The following DLGAP2 variants were observed in gnomAD, a reference collection of about 807,000 sequenced individuals.
DLGAP2 encodes DLG associated protein 2.
In DLGAP2, 26 loss-of-function variants were observed where a neutral mutation model predicts 100.3. The ratio of observed to expected loss-of-function variants is 0.26; its 90% CI spans 0.19 to 0.36. The LOEUF (loss-of-function observed/expected upper bound fraction) is 0.36, where lower values mean the gene tolerates loss of function less well. Among genes scored for constraint, DLGAP2 ranks in the 10% least tolerant of loss-of-function variants. The pLI is 1.00. For synonymous variants in DLGAP2, 886 were observed against 630.1 expected (o/e 1.41, Z -6.08); for missense variants, 1,858 against 1,453.2 (o/e 1.28, Z -4.53).
rs139520768 is a variant in DLGAP2 at position 912,986 on chromosome 8, C to T, written c.73+5020C>T. Among the ~76,000 whole-genome samples the T allele has an allele frequency of 7.8e-3, 1,181 of 152,260 alleles. 13 individuals are homozygous for T. The highest frequency in any genetic ancestry group is 0.025 in the African/African-American group (1,057 of 41,534). ...TTGCTGTGTGCTTTCTGCAGGGTGG[C>T]GAGTTGTTTAGTTGTGCATTGGCAA... On this transcript the variant is annotated intron_variant, in intron 2 of 14. Coordinates refer to ENST00000637795, the MANE Select transcript of DLGAP2 (RefSeq NM_001346810.2).
At chr8:1,011,257 A>C (rs1306355925) in intron 2 of DLGAP2, among the ~76,000 whole-genome samples, 1 of 146,178 alleles carries the variant, frequency 6.8e-6, no homozygotes, top group African/African-American at 2.6e-5. Flanking sequence ...TGAGCCCTAG[A>C]ATGAGGAGTC....
intron 2 of DLGAP2, among the ~76,000 whole-genome samples, chr8:1,062,989 T>G (rs1803132337): frequency 6.6e-6 from 1 of 152,190 alleles, no homozygotes; most frequent in East Asian, 1.9e-4. Context: ...CAGTACTCCT[T>G]TGGGAATGAG....
chr8:739,061 T>A (rs565684696), intron 1 of DLGAP2: 1 of 155,456 alleles, frequency 6.4e-6, no homozygotes, highest in Non-Finnish European at 1.4e-5. Flanking sequence ...ATTCGTGACT[T>A]GTCGGCGGCC....
At chr8:1,206,658 T>G (rs866321850) in intron 2 of DLGAP2, among the ~76,000 whole-genome samples, 45 of 149,806 alleles carry the variant, frequency 3.0e-4, no homozygotes, top group African/African-American at 1.1e-3. Context: ...ATCCGTGGAC[T>G]GGGGTAGACT....
At chr8:803,045 A>G (rs926735550) in intron 1 of DLGAP2, among the ~76,000 whole-genome samples, 3 of 152,234 alleles carry the variant, frequency 2.0e-5, no homozygotes, top group African/African-American at 4.8e-5. Flanking sequence ...AGAGGCCACA[A>G]GGAGACCCAG....
chr8:1,059,542 C>G (rs1356507622), intron 2 of DLGAP2, among the ~76,000 whole-genome samples: 1 of 152,268 alleles, frequency 6.6e-6, no homozygotes. Flanking sequence ...CTGTTCAGTG[C>G]CCATTGCCTC....
In DLGAP2 at chr8:1,444,313, G is replaced by A. The variant is rs78087697; in HGVS notation, c.107-57053G>A. On this transcript the variant is annotated intron_variant, in intron 3 of 14. Transcript: ENST00000637795. ...TTTGCTTAACCAACTCCATATTAAT[G>A]GGCACTTACACGGTATTAGAGTTTT... is the stretch of plus-strand genomic sequence containing the variant. 1.0e-3 allele frequency among the ~76,000 whole-genome samples: 152 copies of A among 152,212 alleles called. 3 individuals carry two copies. In the East Asian group the frequency reaches 0.026, roughly 26 times the overall value.
chr8:1,512,586 A>G (rs1482432131), intron 4 of DLGAP2, among the ~76,000 whole-genome samples: 2 of 152,010 alleles, frequency 1.3e-5, no homozygotes, highest in South Asian at 2.1e-4. Flanking sequence ...AGCCTGCCGC[A>G]GCAGCGAAAT....
intron 8 of DLGAP2, among the ~76,000 whole-genome samples, chr8:1,664,133 G>T (rs758267947): frequency 2.0e-5 from 3 of 152,236 alleles, no homozygotes; most frequent in Non-Finnish European, 4.4e-5. Context: ...AGCAGCATCA[G>T]CATTTCTGTA....
intron 2 of DLGAP2, among the ~76,000 whole-genome samples, chr8:1,240,710 C>T (rs1434285302): frequency 2.0e-5 from 3 of 148,224 alleles, no homozygotes; most frequent in Admixed American, 1.3e-4. Context: ...CACATGGTGA[C>T]GTGTCTAGTT....
At chr8:1,105,048 C>G (rs1804711358) in intron 2 of DLGAP2, 1 of 152,240 alleles carries the variant, frequency 6.6e-6, no homozygotes, top group African/African-American at 2.4e-5. Flanking sequence ...CTGGGAGAAC[C>G]AGGCAGGAAG....
At chr8:1,392,192 C>T (rs1196600300) in intron 3 of DLGAP2, among the ~76,000 whole-genome samples, 1 of 152,144 alleles carries the variant, frequency 6.6e-6, no homozygotes, top group East Asian at 1.9e-4. Context: ...GCTCGGGTGC[C>T]ATTGGAACAC....
intron 6 of DLGAP2, among the ~76,000 whole-genome samples, chr8:1,586,993 A>T (rs1023956973): frequency 4.2e-4 from 64 of 152,254 alleles, no homozygotes; most frequent in African/African-American, 1.5e-3. Context: ...GGCTGATTAT[A>T]CCCATAATCT....
At chr8:1,426,369 GA>G (rs2129958196) in intron 3 of DLGAP2, among the ~76,000 whole-genome samples, 1 of 152,296 alleles carries the variant, frequency 6.6e-6, no homozygotes, top group South Asian at 2.1e-4. Context: ...AGTTGCCCAC[GA>G]GAACATGGCC....
intron 3 of DLGAP2, among the ~76,000 whole-genome samples, chr8:1,278,463 A>C (rs1012223788): frequency 3.3e-5 from 5 of 152,142 alleles, no homozygotes; most frequent in African/African-American, 1.2e-4. Flanking sequence ...ATTCCAATAC[A>C]ATTAAATCCT....
chr8:1,310,005 G>C (rs1033011580), intron 3 of DLGAP2, among the ~76,000 whole-genome samples: 1 of 139,680 alleles, frequency 7.2e-6, no homozygotes, highest in Non-Finnish European at 1.5e-5. Context: ...TGAGGCAGGA[G>C]AATCATTTGA....
chr8:813,569 A>G (rs1796410702), intron 1 of DLGAP2, among the ~76,000 whole-genome samples: 1 of 152,190 alleles, frequency 6.6e-6, no homozygotes, highest in Admixed American at 6.5e-5. Context: ...TGAGGAATAA[A>G]CAGGAAGGTA....
Position 811,070 on chromosome 8 carries a change from C to A in DLGAP2, c.18+73245C>A, listed in dbSNP as rs147590783. Among the ~76,000 whole-genome samples, 48 of 152,324 alleles carry A rather than the reference C, an allele frequency of 3.2e-4. No individual in the cohort carries two copies. The East Asian group carries it at 8.7e-3, about 28-fold the overall frequency. On this transcript the variant is annotated intron_variant, in intron 1 of 14. Coordinates refer to ENST00000637795, the MANE Select transcript of DLGAP2 (RefSeq NM_001346810.2). ...TCCTCTTCACTTTCTTGGTCGTGACCCTGATTTCTGTTTGTTTGTGCACGG... is the reference window on the plus strand; with the variant it reads ...TCCTCTTCACTTTCTTGGTCGTGACACTGATTTCTGTTTGTTTGTGCACGG...
At chr8:1,682,708 A>C (rs752263885) in intron 12 of DLGAP2, among the ~76,000 whole-genome samples, 1 of 151,480 alleles carries the variant, frequency 6.6e-6, no homozygotes, top group Non-Finnish European at 1.5e-5. Flanking sequence ...TCCTGGCCTC[A>C]AGTGATCTGC....
Sources: allele counts gnomAD v4.1 joint callset (sites outside exome capture counted in the v4.1 genomes callset), GRCh38; gene constraint gnomAD v4.1.1; transcripts MANE v1.5; gene names NCBI Gene and HGNC (gene_info 2026-07-23, HGNC 2026-07-21).